PARVA: variants seen among roughly 807,000 people sequenced by gnomAD.
PARVA encodes parvin alpha.
Under a neutral mutation model 52.6 loss-of-function variants are expected in PARVA, and 25 were observed. That is an observed-to-expected ratio of 0.48 (90% CI 0.35 to 0.66). PARVA has a LOEUF of 0.66. Among genes scored for constraint, PARVA ranks in the 30% least tolerant of loss-of-function variants. The probability of loss-of-function intolerance (pLI) is 0.01; values close to 1 mark genes in which losing one functional copy is unlikely to be tolerated. For synonymous variants in PARVA, 185 were observed against 179.1 expected (o/e 1.03, Z -0.26); for missense variants, 373 against 450.9 (o/e 0.83, Z 1.56).
intron 4 of PARVA, chr11:12,478,678 C>G (rs1941046471): frequency 6.4e-6 from 1 of 156,124 alleles, no homozygotes; most frequent in African/African-American, 2.4e-5. Flanking sequence ...GAATCCTCTC[C>G]CTTCCTCCTC....
chr11:12,410,761 T>C (rs913796846), intron 1 of PARVA, among the ~76,000 whole-genome samples: 1 of 152,194 alleles, frequency 6.6e-6, no homozygotes, highest in African/African-American at 2.4e-5. Flanking sequence ...ACCCCATCTA[T>C]AGCTATGGCT....
chr11:12,504,346 C>A lies in PARVA; in HGVS notation c.574C>A (p.His192Asn), dbSNP rs1487192385. 6.2e-7 allele frequency: 1 copy of A among 1,613,394 alleles called. No homozygotes were observed. ...VHAKSLVAIL[H>N]LLVALSQYFR... is the part of the protein sequence containing the mutation. Reference sequence around the variant, plus strand: ...TGCCAAGAGCCTGGTGGCCATCTTACACCTGCTCGTTGCTCTGTCTCAGTA... The same window carrying A: ...TGCCAAGAGCCTGGTGGCCATCTTAAACCTGCTCGTTGCTCTGTCTCAGTA... Residue 192 changes from histidine (H) to asparagine (N), a missense_variant, in exon 6 of 13, where the codon CAC (histidine) becomes AAC (asparagine). Transcript: ENST00000334956.
At chr11:12,419,182 A>G (rs1940112056) in intron 1 of PARVA, among the ~76,000 whole-genome samples, 2 of 152,238 alleles carry the variant, frequency 1.3e-5, no homozygotes, top group African/African-American at 4.8e-5. Flanking sequence ...GTTCAGTAGT[A>G]TAAAGTGCAT....
At chr11:12,427,452 C>T (rs1046282945) in intron 1 of PARVA, among the ~76,000 whole-genome samples, 2 of 152,162 alleles carry the variant, frequency 1.3e-5, no homozygotes, top group African/African-American at 4.8e-5. Flanking sequence ...GACATGAATA[C>T]ATGGCTATTT....
In PARVA at chr11:12,377,705, C is replaced by T. The variant is rs1370760557; in HGVS notation, c.58C>T (p.Pro20Ser). Reference protein sequence around the residue: ...SVPKSPTPKSPPSRKKDDSFL... With the variant: ...SVPKSPTPKSSPSRKKDDSFL... ...CCCCAAGTCTCCCACTCCCAAGTCG[C>T]CCCCGTCCCGCAAGAAAGATGATTC... Residue 20 changes from proline (P) to serine (S), a missense_variant, in exon 1 of 13, where the codon CCC becomes TCC. Coordinates refer to ENST00000334956, the MANE Select transcript of PARVA (RefSeq NM_018222.5). The T allele has an allele frequency of 1.8e-5, 28 of 1,566,428 alleles. No homozygotes were observed. Among genetic ancestry groups the T allele is most frequent in the Non-Finnish European group, 2.4e-5 (28 of 1,161,026 alleles).
At chr11:12,487,458 G>T (rs1941173850) in intron 4 of PARVA, among the ~76,000 whole-genome samples, 1 of 152,154 alleles carries the variant, frequency 6.6e-6, no homozygotes, top group South Asian at 2.1e-4. Context: ...ATAGCCATAT[G>T]CAGCTGTTAA....
intron 4 of PARVA, among the ~76,000 whole-genome samples, chr11:12,491,860 A>C (rs530557752): frequency 2.6e-5 from 4 of 152,348 alleles, no homozygotes; most frequent in Non-Finnish European, 4.4e-5. Context: ...TATATAGCAT[A>C]TGATACCCTG....
intron 1 of PARVA, among the ~76,000 whole-genome samples, chr11:12,427,843 A>T (rs1334622526): frequency 6.6e-6 from 1 of 152,226 alleles, no homozygotes; most frequent in African/African-American, 2.4e-5. Context: ...TCAGGTTCTC[A>T]AACTGAGAGA....
intron 1 of PARVA, among the ~76,000 whole-genome samples, chr11:12,389,485 C>A (rs910350705): frequency 6.6e-6 from 1 of 152,202 alleles, no homozygotes; most frequent in African/African-American, 2.4e-5. Flanking sequence ...AGTTCTTGGA[C>A]TTACCCCAAA....
chr11:12,508,117 A>AC (rs1454626921), intron 6 of PARVA, among the ~76,000 whole-genome samples: 6 of 123,978 alleles, frequency 4.8e-5, no homozygotes, highest in Non-Finnish European at 8.3e-5. Context: ...AAAAAAAAAA[A>AC]AAAAACCAAA....
chr11:12,443,472 C>T (rs1022972543), intron 1 of PARVA, among the ~76,000 whole-genome samples: 1 of 152,140 alleles, frequency 6.6e-6, no homozygotes, highest in African/African-American at 2.4e-5. Flanking sequence ...ACCTGGCCAA[C>T]TTGACTTCTT....
intron 1 of PARVA, among the ~76,000 whole-genome samples, chr11:12,464,599 TCATA>T (rs1278492990): frequency 1.3e-5 from 2 of 152,228 alleles, no homozygotes; most frequent in African/African-American, 4.8e-5. Flanking sequence ...TGAGGTCATC[TCATA>T]CATTTGTAAT....
At chr11:12,419,955 CT>C (rs1432999440) in intron 1 of PARVA, among the ~76,000 whole-genome samples, 1 of 152,146 alleles carries the variant, frequency 6.6e-6, no homozygotes, top group Non-Finnish European at 1.5e-5. Flanking sequence ...TTCAGAATGT[CT>C]CCCATCATTA....
intron 1 of PARVA, among the ~76,000 whole-genome samples, chr11:12,385,928 G>T (rs973297702): frequency 6.6e-6 from 1 of 152,156 alleles, no homozygotes; most frequent in Non-Finnish European, 1.5e-5. Flanking sequence ...TATTCCCCAT[G>T]TCTAATCATC....
At chr11:12,423,289 C>G (rs1236990571) in intron 1 of PARVA, among the ~76,000 whole-genome samples, 2 of 150,532 alleles carry the variant, frequency 1.3e-5, no homozygotes, top group Non-Finnish European at 2.9e-5. Flanking sequence ...AGCCATTCTT[C>G]CACCCCAGTC....
intron 11 of PARVA, 72 bp downstream of exon 11, chr11:12,517,783 GGGCTATCC>G: frequency 9.4e-7 from 1 of 1,059,292 alleles, no homozygotes; most frequent in Non-Finnish European, 1.4e-6. Flanking sequence ...ACCCATGCTG[GGGCTATCC>G]AGAAAAAAGG....
chr11:12,424,696 C>T (rs1274232292), intron 1 of PARVA, among the ~76,000 whole-genome samples: 2 of 152,118 alleles, frequency 1.3e-5, no homozygotes, highest in Non-Finnish European at 2.9e-5. Context: ...GAATAACACT[C>T]AAGCCCAGAT....
At chr11:12,473,025 C>G (rs1168896575) in intron 1 of PARVA, among the ~76,000 whole-genome samples, 1 of 152,152 alleles carries the variant, frequency 6.6e-6, no homozygotes, top group Non-Finnish European at 1.5e-5. Flanking sequence ...GGTGGAATTA[C>G]AGATTTCTAG....
At chr11:12,461,708 T>G (rs1940783821) in intron 1 of PARVA, among the ~76,000 whole-genome samples, 1 of 152,226 alleles carries the variant, frequency 6.6e-6, no homozygotes, top group South Asian at 2.1e-4. Context: ...AGTGAATAAG[T>G]GCCTAGGGGC....
Sources: allele counts gnomAD v4.1 joint callset (sites outside exome capture counted in the v4.1 genomes callset), GRCh38; gene constraint gnomAD v4.1.1; transcripts MANE v1.5; gene names NCBI Gene and HGNC (gene_info 2026-07-23, HGNC 2026-07-21).